The following DRAP1 variants were observed in gnomAD, a reference collection of about 807,000 sequenced individuals.
DRAP1 encodes DR1 associated protein 1.
DRAP1 carries 10 observed loss-of-function variants against 24.1 expected under a neutral mutation model. The ratio of observed to expected loss-of-function variants is 0.41; its 90% CI spans 0.26 to 0.70. The LOEUF (loss-of-function observed/expected upper bound fraction) is 0.70, where lower values mean the gene tolerates loss of function less well. Among genes scored for constraint, DRAP1 ranks in the 30% least tolerant of loss-of-function variants. The probability of loss-of-function intolerance (pLI) is 0.29; values close to 1 mark genes in which losing one functional copy is unlikely to be tolerated. For synonymous variants in DRAP1, 122 were observed against 113.8 expected (o/e 1.07, Z -0.46); for missense variants, 264 against 275.6 (o/e 0.96, Z 0.30).
chr11:65,919,435 G>T lies in DRAP1; in HGVS notation c.-67G>T, dbSNP rs1284265486. 4.7e-6 allele frequency: 7 copies of T among 1,477,420 alleles called. No individual in the cohort carries two copies. The African/African-American group carries it at 1.0e-4, about 22-fold the overall frequency. The allele number at this position is 1,477,420 out of a possible 1,614,324, so 91.5% of individuals were successfully genotyped here. ...GGGAACCGCGACGGGCGGGCGGCGAGCAGGCCCGGGAGCCGGGAGGCTGCG... is the reference window on the plus strand; with the variant it reads ...GGGAACCGCGACGGGCGGGCGGCGATCAGGCCCGGGAGCCGGGAGGCTGCG... On this transcript the variant is annotated 5_prime_UTR_variant, in exon 1 of 7. Transcript: ENST00000312515.
intron 6 of DRAP1, 65 bp from the exon 7 acceptor site, chr11:65,921,265 C>A: frequency 1.0e-6 from 1 of 983,922 alleles, no homozygotes; most frequent in Non-Finnish European, 1.6e-6. Flanking sequence ...AGGGTCTTGG[C>A]AGCTGCCCCT....
intron 5 of DRAP1, 40 bp downstream of exon 5, chr11:65,920,702 G>C: frequency 6.8e-7 from 1 of 1,462,392 alleles, no homozygotes; most frequent in East Asian, 2.5e-5. Flanking sequence ...CCTTGGTGAT[G>C]GGACAGGCAG....
rs1425374385 is a variant in DRAP1 at position 65,919,447 on chromosome 11, G to A, written c.-55G>A. On this transcript the variant is annotated 5_prime_UTR_variant, in exon 1 of 7. Coordinates refer to ENST00000312515, the MANE Select transcript of DRAP1 (RefSeq NM_006442.4). Reference sequence around the variant, plus strand: ...GGGCGGGCGGCGAGCAGGCCCGGGAGCCGGGAGGCTGCGGGCGGCGGCGCT... The same window carrying A: ...GGGCGGGCGGCGAGCAGGCCCGGGAACCGGGAGGCTGCGGGCGGCGGCGCT... 2 of 1,509,980 alleles carry A rather than the reference G, an allele frequency of 1.3e-6. No homozygotes were observed. Among genetic ancestry groups the A allele is most frequent in the Non-Finnish European group, 1.8e-6 (2 of 1,130,220 alleles). 93.5% of individuals were successfully genotyped at this position (1,509,980 alleles called of 1,614,324 possible). A position where few individuals can be genotyped will look rare whatever the true frequency, so the allele number is the denominator to read the frequency against.
intron 2 of DRAP1, 29 bp from the exon 3 acceptor site, chr11:65,919,919 G>T: frequency 6.2e-7 from 1 of 1,613,658 alleles, no homozygotes; most frequent in East Asian, 2.2e-5. Context: ...GCCCTCTCCT[G>T]CCCCGGAGTT....
At chr11:65,920,820 C>G in intron 5 of DRAP1, 64 bp from the exon 6 acceptor site, 1 of 1,533,064 alleles carries the variant, frequency 6.5e-7, no homozygotes, top group East Asian at 2.3e-5. Flanking sequence ...ACTGCTGTCC[C>G]TGCCACTCCC....
intron 2 of DRAP1, 34 bp from the exon 3 acceptor site, chr11:65,919,914 C>T: frequency 6.2e-7 from 1 of 1,613,626 alleles, no homozygotes; most frequent in East Asian, 2.2e-5. Flanking sequence ...GGGTCGCCCT[C>T]TCCTGCCCCG....
At chr11:65,921,066 T>C in intron 6 of DRAP1, 94 bp downstream of exon 6, 1 of 982,776 alleles carries the variant, frequency 1.0e-6, no homozygotes, top group Non-Finnish European at 1.5e-6. Flanking sequence ...TTGTTGATTG[T>C]GGCAGATTTG....
chr11:65,921,182 C>A, intron 6 of DRAP1, 148 bp from the exon 7 acceptor site: 2 of 687,694 alleles, frequency 2.9e-6, no homozygotes, highest in Non-Finnish European at 4.9e-6. Flanking sequence ...CTGGGCCTGC[C>A]CTGCGTGAGC....
At position 65,921,448 on chromosome 11, in the gene DRAP1, C is replaced by G; in HGVS notation, c.*13C>G. 1 of 1,459,170 alleles carries G rather than the reference C, an allele frequency of 6.9e-7. No individual in the cohort carries two copies. The highest frequency in any genetic ancestry group is 9.6e-7 in the Non-Finnish European group (1 of 1,040,444). The allele number at this position is 1,459,170 out of a possible 1,614,324, so 90.4% of individuals were successfully genotyped here. A position where few individuals can be genotyped will look rare whatever the true frequency, so the allele number is the denominator to read the frequency against. ...TTACGACTCCTAGCGCCTTCTGCCCCCCAGACCATAGCCCCTTTTAGTTGG... is the reference window on the plus strand; with the variant it reads ...TTACGACTCCTAGCGCCTTCTGCCCGCCAGACCATAGCCCCTTTTAGTTGG... On this transcript the variant is annotated 3_prime_UTR_variant, in exon 7 of 7. Transcript: ENST00000312515.
chr11:65,920,548 A>G (rs772043977), intron 4 of DRAP1, 21 bp from the exon 5 acceptor site: 6 of 1,606,064 alleles, frequency 3.7e-6, no homozygotes, highest in Non-Finnish European at 4.3e-6. Flanking sequence ...CTCCGGGCAG[A>G]TGGACTGTAC....
In DRAP1 at chr11:65,920,959, G is replaced by A. The variant is rs1338500918; in HGVS notation, c.499G>A (p.Ala167Thr). The part of the protein sequence containing the change: ...QPPPQASHPS[A>T]HFQSPPTPFL... ...CCCACCCCAGGCCAGCCACCCCTCT[G>A]CCCACTTTCAGAGGTGAGCAGCCCA... The change falls in exon 6 of 7, where the codon GCC becomes ACC. Residue 167 changes from alanine (A) to threonine (T), a missense_variant. Transcript: ENST00000312515. 1.2e-6 allele frequency: 2 copies of A among 1,610,724 alleles called. No individual in the cohort carries two copies. Among genetic ancestry groups the A allele is most frequent in the African/African-American group, 2.7e-5 (2 of 74,826 alleles).
chr11:65,920,562 C>T lies in DRAP1; in HGVS notation c.330-7C>T. 2 of 1,597,290 alleles carry T rather than the reference C, an allele frequency of 1.3e-6. No individual in the cohort carries two copies. Among genetic ancestry groups the T allele is most frequent in the African/African-American group, 1.3e-5 (1 of 74,536 alleles). On this transcript the variant is annotated splice_polypyrimidine_tract_variant and splice_region_variant and intron_variant, in intron 4 of 6. Coordinates refer to ENST00000312515, the MANE Select transcript of DRAP1 (RefSeq NM_006442.4). ...ACTCCGGGCAGATGGACTGTACCTT[C>T]CCAAAGGGGCCGGAAGCCAGGCAGC... is the stretch of plus-strand genomic sequence containing the variant.
intron 6 of DRAP1, 48 bp from the exon 7 acceptor site, chr11:65,921,282 G>T: frequency 8.8e-7 from 1 of 1,135,402 alleles, no homozygotes; most frequent in South Asian, 1.3e-5. Flanking sequence ...CCCTGTGGAG[G>T]GCACGGTGGG....
Position 65,920,407 on chromosome 11 carries a change from G to A in DRAP1, c.274G>A (p.Asp92Asn). The A allele has an allele frequency of 6.2e-7, 1 of 1,614,114 alleles. No individual in the cohort carries two copies. Among genetic ancestry groups the A allele is most frequent in the Non-Finnish European group, 8.5e-7 (1 of 1,180,026 alleles). ...FLKDLVASVPDMQGDGEDNHM... is the reference protein window; with the variant it reads ...FLKDLVASVPNMQGDGEDNHM... ...GAAGGACCTGGTGGCATCTGTTCCC[G>A]ACATGCAGGGGGACGGGGAAGACAA... The change falls in exon 4 of 7, where the codon GAC (aspartate) becomes AAC (asparagine). Residue 92 changes from aspartate (D) to asparagine (N), a missense_variant. This residue lies in a region of DRAP1 where 243 missense variants were observed against 233.6 expected (regional missense o/e 1.04). Coordinates refer to ENST00000312515, the MANE Select transcript of DRAP1 (RefSeq NM_006442.4).
Position 65,921,130 on chromosome 11 carries a change from C to T in DRAP1, c.512+158C>T, listed in dbSNP as rs184250227. On this transcript the variant is annotated intron_variant, in intron 6 of 6. Transcript: ENST00000312515. The stretch of plus-strand genomic sequence containing the variant: ...GCTTGAAGGCAGGAGACTGTTCTCC[C>T]GAAAGATCCTGCTCCACCCTGCCAG... The T allele has an allele frequency of 5.2e-4, 358 of 686,846 alleles. No individual in the cohort carries two copies. In the African/African-American group the frequency reaches 5.6e-3, roughly 11 times the overall value. 42.5% of individuals were successfully genotyped at this position (686,846 alleles called of 1,614,324 possible).
rs1208297958 is a variant in DRAP1, at chr11:65,919,958, C to G, written c.126C>G (p.Leu42=). 4.3e-6 allele frequency: 7 copies of G among 1,613,800 alleles called. No individual in the cohort carries two copies. Among genetic ancestry groups the G allele is most frequent in the Middle Eastern group, 1.6e-4 (1 of 6,062 alleles). The change falls in exon 3 of 7, where the codon CTC becomes CTG. Residue 42 remains leucine, a synonymous_variant. Coordinates refer to ENST00000312515, the MANE Select transcript of DRAP1 (RefSeq NM_006442.4). ...CTTGACGCTCCTCAGCCCGGGCGCT[C>G]GAGCTCTTCCTAGAGTCGCTGTTGA... ...AAVPVIISRA[L]ELFLESLLKK... is the part of the protein sequence containing the mutation.
intron 6 of DRAP1, 58 bp from the exon 7 acceptor site, chr11:65,921,272 C>G (rs1421714278): frequency 9.5e-7 from 1 of 1,047,878 alleles, no homozygotes; most frequent in African/African-American, 1.6e-5. Flanking sequence ...TGGCAGCTGC[C>G]CCTGTGGAGG....
At position 65,919,531 on chromosome 11, in the gene DRAP1, G is replaced by T; in HGVS notation, c.30G>T (p.Ala10=). ...CGAGCAAGAAGAAGAAGTACAACGC[G>T]CGGTTCCCGCCGGTGAGCACGTGGC... MPSKKKKYN[A]RFPPARIKKI... is the part of the protein sequence containing the mutation. Residue 10 remains alanine (A), a synonymous_variant, in exon 1 of 7, where the codon GCG becomes GCT. Coordinates refer to ENST00000312515, the MANE Select transcript of DRAP1 (RefSeq NM_006442.4). 1 of 1,546,512 alleles carries T rather than the reference G, an allele frequency of 6.5e-7. No individual in the cohort carries two copies. Among genetic ancestry groups the T allele is most frequent in the Non-Finnish European group, 8.7e-7 (1 of 1,145,346 alleles).
chr11:65,919,728 C>T (rs1021571377), intron 1 of DRAP1, 52 bp from the exon 2 acceptor site: 12 of 1,609,404 alleles, frequency 7.5e-6, no homozygotes, highest in Middle Eastern at 3.3e-4. Context: ...CCCCCAGCAC[C>T]CCCTTAGGGG....
Sources: allele counts gnomAD v4.1 joint callset, GRCh38; gene constraint gnomAD v4.1.1; regional missense constraint gnomAD v4.1.1; transcripts MANE v1.5; gene names NCBI Gene and HGNC (gene_info 2026-07-23, HGNC 2026-07-21).